Variants in SLC37A1 observed in about 807,000 individuals in gnomAD.
The protein encoded by SLC37A1 is solute carrier family 37 member 1, also known as glucose-6-phosphate exchanger SLC37A1.
SLC37A1 carries 49 observed loss-of-function variants against 75.3 expected under a neutral mutation model. That is an observed-to-expected ratio of 0.65 (90% CI 0.52 to 0.83). SLC37A1 has a LOEUF of 0.83. SLC37A1 is among the 40% of genes least tolerant of loss of function. The pLI is 0.00. For missense variants in SLC37A1, 566 were observed against 695.0 expected, an observed-to-expected ratio of 0.81 and a Z score of 2.09; for synonymous variants, 268 against 292.1, an observed-to-expected ratio of 0.92 and a Z score of 0.84.
chr21:42,577,650 A>G (rs901269299), intron 18 of SLC37A1, among the ~76,000 whole-genome samples: 1 of 151,736 alleles, frequency 6.6e-6, no homozygotes, highest in African/African-American at 2.4e-5. Flanking sequence ...GGAAGCATAG[A>G]AAAAAACAGG....
At chr21:42,519,628 T>C (rs184147295) in intron 2 of SLC37A1, among the ~76,000 whole-genome samples, 251 of 152,316 alleles carry the variant, frequency 1.6e-3, no homozygotes, top group African/African-American at 5.8e-3. Context: ...GCCAACCCCC[T>C]GGCAGCCCCC....
intron 9 of SLC37A1, among the ~76,000 whole-genome samples, chr21:42,553,526 T>C (rs2055606308): frequency 6.6e-6 from 1 of 152,252 alleles, no homozygotes; most frequent in South Asian, 2.1e-4. Context: ...TCTTCACTTT[T>C]CACTTGGTAA....
At chr21:42,567,705 G>T (rs2056015587) in intron 16 of SLC37A1, among the ~76,000 whole-genome samples, 1 of 152,102 alleles carries the variant, frequency 6.6e-6, no homozygotes, top group Admixed American at 6.6e-5. Context: ...TTGAACGCTG[G>T]TTCATTTTTA....
At chr21:42,521,829 T>C (rs1362325213) in intron 2 of SLC37A1, among the ~76,000 whole-genome samples, 1 of 152,256 alleles carries the variant, frequency 6.6e-6, no homozygotes, top group Non-Finnish European at 1.5e-5. Context: ...AAAACAAAAA[T>C]GAAAGGATTA....
intron 1 of SLC37A1, 133 bp from the exon 2 acceptor site, chr21:42,518,144 T>C: frequency 2.8e-6 from 1 of 359,454 alleles, no homozygotes; most frequent in Non-Finnish European, 5.3e-6. Flanking sequence ...TGGGGGCCCC[T>C]GCTTGTATCA....
chr21:42,536,829 C>T (rs1261938526), intron 5 of SLC37A1, among the ~76,000 whole-genome samples: 2 of 152,208 alleles, frequency 1.3e-5, no homozygotes, highest in Admixed American at 6.5e-5. Flanking sequence ...TTCGTCAAGG[C>T]GGATCCCTCA....
rs986216419 is a variant in SLC37A1, at chr21:42,545,627, C to A, written c.731-1476C>A. ...TCTCAAATGTGTCCCAGCCAAGGGA[C>A]GTGTGTGCCCAAGTCCCTGAAGGTG... On this transcript the variant is annotated intron_variant, in intron 8 of 19. Coordinates refer to ENST00000352133, the MANE Select transcript of SLC37A1 (RefSeq NM_001320537.2). The surrounding 1 kb of genome is among the most constrained non-coding windows in gnomAD (Gnocchi z 4.0). 6.6e-6 allele frequency among the ~76,000 whole-genome samples: 1 copy of A among 152,200 alleles called. No homozygotes were observed. The highest frequency in any genetic ancestry group is 2.4e-5 in the African/African-American group (1 of 41,462).
At chr21:42,517,947 G>A (rs548384046) in intron 1 of SLC37A1, among the ~76,000 whole-genome samples, 1 of 152,328 alleles carries the variant, frequency 6.6e-6, no homozygotes, top group Non-Finnish European at 1.5e-5. Context: ...TAGCGTGGCT[G>A]CTGGACACAT....
In SLC37A1 at chr21:42,548,744, G is replaced by GC. The variant is rs1211587106; in HGVS notation, c.768+1608dup. Among the ~76,000 whole-genome samples the GC allele has an allele frequency of 6.6e-6, 1 of 152,122 alleles. No individual in the cohort carries two copies. Among genetic ancestry groups the GC allele is most frequent in the Admixed American group, 6.5e-5 (1 of 15,270 alleles). On this transcript the variant is annotated intron_variant, in intron 9 of 19. Transcript: ENST00000352133. This position sits in a 1 kb window ranked among gnomAD's most constrained non-coding sequence, Gnocchi z 5.6. ...CAACACAGTCCAGTGGCTCCATGTCGCCCCGTGTGAAATCCTCACCAGTCC... is the reference window on the plus strand; with the variant it reads ...CAACACAGTCCAGTGGCTCCATGTCGCCCCCGTGTGAAATCCTCACCAGTCC...
At chr21:42,537,455 T>TTA (rs1213766181) in intron 5 of SLC37A1, among the ~76,000 whole-genome samples, 1 of 152,236 alleles carries the variant, frequency 6.6e-6, no homozygotes, top group Non-Finnish European at 1.5e-5. Flanking sequence ...TTTTCTCAGT[T>TTA]ACTGGAAAAC....
intron 7 of SLC37A1, among the ~76,000 whole-genome samples, chr21:42,542,999 G>A (rs1037733207): frequency 1.3e-5 from 2 of 152,222 alleles, no homozygotes; most frequent in Non-Finnish European, 2.9e-5. Context: ...AACAAGATGC[G>A]GAAGCTAAAA....
At chr21:42,563,685 A>G in intron 12 of SLC37A1, 130 bp from the exon 13 acceptor site, 1 of 735,174 alleles carries the variant, frequency 1.4e-6, no homozygotes, top group Non-Finnish European at 2.4e-6. Context: ...GTTAACTACT[A>G]ATTGCTCCTC....
At chr21:42,500,710 C>T (rs888360375) in intron 1 of SLC37A1, among the ~76,000 whole-genome samples, 19 of 152,108 alleles carry the variant, frequency 1.2e-4, no homozygotes, top group African/African-American at 2.4e-4. Context: ...TAGTCTGTGA[C>T]GAACAGATTA....
intron 14 of SLC37A1, among the ~76,000 whole-genome samples, chr21:42,565,614 C>T (rs536606464): frequency 2.0e-5 from 3 of 152,306 alleles, no homozygotes; most frequent in South Asian, 2.1e-4. Context: ...TTCCCCAGGT[C>T]GCCTGGGGTG....
In SLC37A1 at chr21:42,550,972, A is replaced by G. The variant is rs139611374; in HGVS notation, c.769-3090A>G. 7.5e-3 allele frequency among the ~76,000 whole-genome samples: 1,139 copies of G among 152,356 alleles called. 32 individuals carry two copies. The highest frequency in any genetic ancestry group is 0.061 in the Admixed American group (933 of 15,302). On this transcript the variant is annotated intron_variant, in intron 9 of 19. Transcript: ENST00000352133. ...AAACCCACACCTCACAGTGTGCTTA[A>G]TGGTGAAAGACCAGGTGCTTTCCGC...
intron 2 of SLC37A1, among the ~76,000 whole-genome samples, chr21:42,518,845 T>C: frequency 6.6e-6 from 1 of 152,204 alleles, no homozygotes; most frequent in East Asian, 1.9e-4. Flanking sequence ...ACATAACTTA[T>C]ATATAAGTTA....
intron 1 of SLC37A1, among the ~76,000 whole-genome samples, chr21:42,517,488 A>G (rs958446729): frequency 6.6e-6 from 1 of 152,208 alleles, no homozygotes; most frequent in African/African-American, 2.4e-5. Context: ...TCCTTGGAGA[A>G]TGTGCATTTT....
chr21:42,554,983 T>G (rs228089), intron 10 of SLC37A1, among the ~76,000 whole-genome samples: 47,538 of 99,534 alleles, frequency 0.48, 9,062 homozygotes, highest in Admixed American at 0.63. Context: ...TGGTTGGTTG[T>G]TTTTTTTTTT....
At position 42,519,217 on chromosome 21, in the gene SLC37A1, A is replaced by G. The variant is rs116761346; in HGVS notation, c.56+707A>G. Among the ~76,000 whole-genome samples the G allele has an allele frequency of 2.5e-3, 377 of 152,364 alleles. 3 individuals are homozygous for G. Among genetic ancestry groups the G allele is most frequent in the African/African-American group, 8.7e-3 (360 of 41,602 alleles). ...TTTCACCACTTATGTACGAGAGGTC[A>G]TAGAAAAGTGTCCCTCAAAGGGGCA... On this transcript the variant is annotated intron_variant, in intron 2 of 19. Coordinates refer to ENST00000352133, the MANE Select transcript of SLC37A1 (RefSeq NM_001320537.2).
Sources: allele counts gnomAD v4.1 joint callset (sites outside exome capture counted in the v4.1 genomes callset), GRCh38; gene constraint gnomAD v4.1.1; non-coding constraint Gnocchi (gnomAD v3.1); transcripts MANE v1.5; gene names NCBI Gene and HGNC (gene_info 2026-07-23, HGNC 2026-07-21).